RBFOX1: variants seen among roughly 807,000 people sequenced by gnomAD.
RBFOX1 encodes the protein RNA binding fox-1 homolog 1.
RBFOX1 carries 8 observed loss-of-function variants against 57.7 expected under a neutral mutation model. That is an observed-to-expected ratio of 0.14 (90% CI 0.08 to 0.25). RBFOX1 has a LOEUF of 0.25. Among genes scored for constraint, RBFOX1 ranks in the 10% least tolerant of loss-of-function variants. The pLI, the probability that RBFOX1 is intolerant of heterozygous loss-of-function variation, is 1.00. For missense variants in RBFOX1, 611 were observed against 548.5 expected, an observed-to-expected ratio of 1.11 and a Z score of -1.14; for synonymous variants, 326 against 222.4, an observed-to-expected ratio of 1.47 and a Z score of -4.15.
chr16:7,240,168 T>C (rs1234018098), intron 4 of RBFOX1, among the ~76,000 whole-genome samples: 3 of 152,134 alleles, frequency 2.0e-5, no homozygotes, highest in African/African-American at 4.8e-5. Context: ...GGTTTCACCA[T>C]GTTGGCCAAG....
At chr16:6,090,103 C>T (rs985483656) in intron 1 of RBFOX1, 3 of 152,170 alleles carry the variant, frequency 2.0e-5, no homozygotes, top group Admixed American at 6.5e-5. Flanking sequence ...TGCCTTGGCT[C>T]GTGGCCCCTT....
intron 1 of RBFOX1, among the ~76,000 whole-genome samples, chr16:6,206,506 G>C (rs1431576658): frequency 6.6e-6 from 1 of 152,134 alleles, no homozygotes; most frequent in African/African-American, 2.4e-5. Flanking sequence ...GCTCCCTGAT[G>C]GCAGAGGTAT....
At chr16:6,910,101 C>G (rs556729805) in intron 3 of RBFOX1, among the ~76,000 whole-genome samples, 2 of 151,890 alleles carry the variant, frequency 1.3e-5, no homozygotes, top group Non-Finnish European at 2.9e-5. Context: ...CCCTGGACCA[C>G]GGAAAACCTT....
intron 2 of RBFOX1, among the ~76,000 whole-genome samples, chr16:5,527,928 CT>C (rs1451564425): frequency 6.6e-6 from 1 of 152,144 alleles, no homozygotes; most frequent in Non-Finnish European, 1.5e-5. Flanking sequence ...CTCACAGTGA[CT>C]TCTACCTTTA....
chr16:7,050,988 C>G (rs1445269790), intron 3 of RBFOX1, among the ~76,000 whole-genome samples: 2 of 151,994 alleles, frequency 1.3e-5, no homozygotes, highest in African/African-American at 2.4e-5. Flanking sequence ...TAGAGAAAGT[C>G]AAAACAAACT....
intron 3 of RBFOX1, among the ~76,000 whole-genome samples, chr16:6,919,420 A>G (rs2073969774): frequency 6.7e-6 from 1 of 150,340 alleles, no homozygotes; most frequent in African/African-American, 2.5e-5. Flanking sequence ...AAAAAATAAA[A>G]TAAAGCTCCC....
intron 4 of RBFOX1, among the ~76,000 whole-genome samples, chr16:7,191,562 C>T (rs938808779): frequency 3.3e-5 from 5 of 152,154 alleles, no homozygotes; most frequent in African/African-American, 1.2e-4. Context: ...TGTTATTTTA[C>T]ATATCATCTT....
At chr16:6,088,361 A>G (rs933312917) in intron 1 of RBFOX1, among the ~76,000 whole-genome samples, 3 of 152,150 alleles carry the variant, frequency 2.0e-5, no homozygotes, top group African/African-American at 7.2e-5. Context: ...ATGATTAGTC[A>G]TGTTCTCTGA....
chr16:7,541,503 C>T (rs2082929203), intron 5 of RBFOX1, among the ~76,000 whole-genome samples: 1 of 151,652 alleles, frequency 6.6e-6, no homozygotes, highest in African/African-American at 2.4e-5. Flanking sequence ...AGAGTGAATT[C>T]AGTGTTCACT....
At chr16:6,673,001 A>G (rs2098776939) in intron 3 of RBFOX1, among the ~76,000 whole-genome samples, 1 of 152,152 alleles carries the variant, frequency 6.6e-6, no homozygotes, top group South Asian at 2.1e-4. Context: ...AGCCAGTGCA[A>G]TGCTAACAAT....
At chr16:7,221,409 C>G (rs2092721866) in intron 4 of RBFOX1, among the ~76,000 whole-genome samples, 1 of 151,096 alleles carries the variant, frequency 6.6e-6, no homozygotes, top group South Asian at 2.1e-4. Flanking sequence ...CTCTGTCGTC[C>G]AGGATAGAGT....
At chr16:7,024,906 C>T (rs868492999) in intron 3 of RBFOX1, among the ~76,000 whole-genome samples, 1 of 152,078 alleles carries the variant, frequency 6.6e-6, no homozygotes. Context: ...CTGCTGCACT[C>T]CTCACTTTAT....
At chr16:5,517,315 A>G (rs374899938) in intron 2 of RBFOX1, among the ~76,000 whole-genome samples, 5 of 151,902 alleles carry the variant, frequency 3.3e-5, no homozygotes, top group Admixed American at 2.0e-4. Flanking sequence ...GTGGACTGCC[A>G]TCCCTGTTTT....
At chr16:7,275,386 C>A (rs1407446278) in intron 4 of RBFOX1, among the ~76,000 whole-genome samples, 1 of 152,330 alleles carries the variant, frequency 6.6e-6, no homozygotes, top group Admixed American at 6.5e-5. Flanking sequence ...GCTTCTGATA[C>A]TTCATCATTC....
chr16:5,681,057 A>T (rs933238163), intron 3 of RBFOX1, among the ~76,000 whole-genome samples: 2 of 151,936 alleles, frequency 1.3e-5, no homozygotes, highest in Non-Finnish European at 2.9e-5. Flanking sequence ...GCCAGAAAAG[A>T]CCACCCCATG....
At chr16:5,479,246 C>A (rs1190335140) in intron 2 of RBFOX1, among the ~76,000 whole-genome samples, 5 of 152,102 alleles carry the variant, frequency 3.3e-5, no homozygotes. Context: ...TTGATTGGCA[C>A]CAAGCCTTGT....
chr16:5,618,677 T>C (rs1173470974), intron 3 of RBFOX1, among the ~76,000 whole-genome samples: 1 of 152,180 alleles, frequency 6.6e-6, no homozygotes, highest in African/African-American at 2.4e-5. Flanking sequence ...TCAAAAAAAC[T>C]GTTTTAAAAG....
At chr16:6,327,272 C>T (rs1163729866) in intron 2 of RBFOX1, among the ~76,000 whole-genome samples, 1 of 151,976 alleles carries the variant, frequency 6.6e-6, no homozygotes, top group Non-Finnish European at 1.5e-5. Flanking sequence ...TTATAATGGC[C>T]ACACAATATA....
intron 3 of RBFOX1, among the ~76,000 whole-genome samples, chr16:5,627,238 G>A (rs1430724313): frequency 1.3e-5 from 2 of 152,108 alleles, no homozygotes; most frequent in African/African-American, 4.8e-5. Context: ...ATCCCATGTA[G>A]TGGCACCAAA....
Sources: gnomAD v4.1 joint callset for allele counts (sites outside exome capture counted in the v4.1 genomes callset) on GRCh38, gnomAD v4.1.1 for gene constraint, MANE v1.5 for transcripts, NCBI Gene and HGNC (gene_info 2026-07-23, HGNC 2026-07-21) for gene names.